TBX15: variants seen among roughly 807,000 people sequenced by gnomAD.
TBX15 encodes the protein T-box transcription factor 15.
In TBX15, 18 loss-of-function variants were observed where a neutral mutation model predicts 53.9. The ratio of observed to expected loss-of-function variants is 0.33; its 90% confidence interval spans 0.23 to 0.49. The LOEUF is 0.49. Ranked by LOEUF, TBX15 falls within the 20% of genes least tolerant of loss-of-function variation. The probability of loss-of-function intolerance (pLI) is 0.98; values close to 1 mark genes in which losing one functional copy is unlikely to be tolerated. For missense variants in TBX15, 692 were observed against 749.5 expected (o/e 0.92, Z 0.90); for synonymous variants, 295 against 278.0 (o/e 1.06, Z -0.61).
At chr1:118,988,859 GAAAC>G (rs529522656), upstream of TBX15, among the ~76,000 whole-genome samples, 1 of 152,218 alleles carries the variant, frequency 6.6e-6, no homozygotes, top group African/African-American at 2.4e-5. Context: ...AAGGCAAAAG[GAAAC>G]AAACAAACAA....
In TBX15 at chr1:118,916,415, T is replaced by C. The variant is rs148155617; in HGVS notation, c.862-2236A>G. Among the ~76,000 whole-genome samples the C allele has an allele frequency of 1.3e-3, 201 of 152,230 alleles. 1 individual carries two copies. The highest frequency in any genetic ancestry group is 3.9e-3 in the South Asian group (19 of 4,822). On this transcript the variant is annotated intron_variant, in intron 5 of 7. Coordinates refer to ENST00000369429, the MANE Select transcript of TBX15 (RefSeq NM_001330677.2). ...GAAGCATTTCTTAAGAAAGGCACTA[T>C]GTAACACAGGATATGAACAGACACT... is the stretch of plus-strand genomic sequence containing the variant.
intron 4 of TBX15, 99 bp from the exon 5 acceptor site, chr1:118,923,702 A>C: frequency 7.0e-7 from 1 of 1,420,422 alleles, no homozygotes; most frequent in East Asian, 2.3e-5. Context: ...CTATAGGAAA[A>C]GCACAGATTG....
intron 5 of TBX15, among the ~76,000 whole-genome samples, chr1:118,922,524 G>A (rs990724788): frequency 5.9e-5 from 9 of 152,004 alleles, no homozygotes; most frequent in African/African-American, 1.9e-4. Flanking sequence ...TTTCAAGACC[G>A]GAAACACAAG....
intron 6 of TBX15, among the ~76,000 whole-genome samples, chr1:118,902,115 A>G (rs549195328): frequency 2.3e-4 from 35 of 152,194 alleles, no homozygotes; most frequent in Admixed American, 9.8e-4. Flanking sequence ...TATAATATAT[A>G]TTATCCTACA....
chr1:118,971,526 T>C (rs2101701364), intron 1 of TBX15, among the ~76,000 whole-genome samples: 1 of 152,368 alleles, frequency 6.6e-6, no homozygotes, highest in South Asian at 2.1e-4. Context: ...CTCCAGGGTT[T>C]TGCAGTCTAG....
chr1:118,883,424 G>T lies in TBX15; in HGVS notation c.*1308C>A, dbSNP rs920269527. The T allele has an allele frequency of 6.6e-6, 1 of 152,432 alleles. No homozygotes were observed. Among genetic ancestry groups the T allele is most frequent in the Non-Finnish European group, 1.5e-5 (1 of 68,048 alleles). 9.4% of individuals were successfully genotyped at this position (152,432 alleles called of 1,614,324 possible). ...ATGCAATGTACTATTTGATAAAAAT[G>T]GAGATCTAAGGGCAGGTAGAAGGGT... On this transcript the variant is annotated 3_prime_UTR_variant, in exon 8 of 8. Transcript: ENST00000369429.
At chr1:118,945,727 G>C (rs1296993776) in intron 1 of TBX15, among the ~76,000 whole-genome samples, 1 of 152,082 alleles carries the variant, frequency 6.6e-6, no homozygotes, top group Non-Finnish European at 1.5e-5. Flanking sequence ...ACCTCTCTTT[G>C]TTCTGTAATA....
At chr1:118,937,492 G>T (rs1010700786) in intron 1 of TBX15, among the ~76,000 whole-genome samples, 2 of 152,140 alleles carry the variant, frequency 1.3e-5, no homozygotes, top group African/African-American at 2.4e-5. Flanking sequence ...CTTCTATCCA[G>T]ACTATGAATT....
intron 3 of TBX15, among the ~76,000 whole-genome samples, chr1:118,925,593 T>C (rs1294421522): frequency 6.6e-6 from 1 of 152,218 alleles, no homozygotes; most frequent in African/African-American, 2.4e-5. Context: ...ATGGATCTGG[T>C]ACTTTCCTGC....
At chr1:118,909,547 T>TG (rs1326572565) in intron 6 of TBX15, among the ~76,000 whole-genome samples, 2 of 151,534 alleles carry the variant, frequency 1.3e-5, no homozygotes, top group African/African-American at 4.9e-5. Context: ...TGGATATCTC[T>TG]GTTTTGTTGT....
intron 1 of TBX15, among the ~76,000 whole-genome samples, chr1:118,956,019 T>A (rs960496351): frequency 6.6e-6 from 1 of 152,066 alleles, no homozygotes; most frequent in South Asian, 2.1e-4. Flanking sequence ...GTGCCCCTTA[T>A]AAAAGAGGCC....
chr1:118,986,241 G>C (rs1228838685), intron 1 of TBX15, among the ~76,000 whole-genome samples: 1 of 152,226 alleles, frequency 6.6e-6, no homozygotes, highest in Non-Finnish European at 1.5e-5. Flanking sequence ...GAAACACACA[G>C]TAGCCCTGGG....
intron 1 of TBX15, among the ~76,000 whole-genome samples, chr1:118,940,994 T>C (rs1307408406): frequency 6.7e-6 from 1 of 149,812 alleles, no homozygotes; most frequent in African/African-American, 2.6e-5. Flanking sequence ...CTGGGTGGTC[T>C]TCAAGATTTA....
At chr1:118,902,812 C>T (rs1654678680) in intron 6 of TBX15, among the ~76,000 whole-genome samples, 1 of 152,106 alleles carries the variant, frequency 6.6e-6, no homozygotes, top group Non-Finnish European at 1.5e-5. Flanking sequence ...ACGTCTTCAG[C>T]CAGTTGGATG....
chr1:118,907,058 G>A (rs535745455), intron 6 of TBX15, among the ~76,000 whole-genome samples: 220 of 152,302 alleles, frequency 1.4e-3, no homozygotes, highest in African/African-American at 5.2e-3. Context: ...ATTCGAAAGA[G>A]AAAAACATAC....
intron 7 of TBX15, among the ~76,000 whole-genome samples, chr1:118,896,672 C>G (rs550451821): frequency 6.6e-6 from 1 of 152,270 alleles, no homozygotes; most frequent in African/African-American, 2.4e-5. Flanking sequence ...AATAGCCTAC[C>G]ACTGCAGTTT....
intron 1 of TBX15, among the ~76,000 whole-genome samples, chr1:118,982,292 G>A (rs538818892): frequency 6.6e-6 from 1 of 152,126 alleles, no homozygotes; most frequent in Non-Finnish European, 1.5e-5. Context: ...TTTTCTCCCG[G>A]GTGTGAGAAA....
chr1:118,988,474 A>T (rs1657922034), upstream of TBX15: 1 of 152,344 alleles, frequency 6.6e-6, no homozygotes, highest in Non-Finnish European at 1.5e-5. Flanking sequence ...GCGCAGCGCC[A>T]GTCGTCCCCT....
At chr1:118,947,159 A>G (rs1411925156) in intron 1 of TBX15, among the ~76,000 whole-genome samples, 1 of 152,216 alleles carries the variant, frequency 6.6e-6, no homozygotes, top group African/African-American at 2.4e-5. Context: ...GGACACAGTG[A>G]GTAAGTGAGG....
Sources: gnomAD v4.1 joint callset for allele counts (sites outside exome capture counted in the v4.1 genomes callset) on GRCh38, gnomAD v4.1.1 for gene constraint, MANE v1.5 for transcripts, NCBI Gene and HGNC (gene_info 2026-07-23, HGNC 2026-07-21) for gene names.